Variants in MFN1 observed in about 807,000 individuals in gnomAD.
MFN1 encodes the protein mitofusin-1.
Under a neutral mutation model 92.4 loss-of-function variants are expected in MFN1, and 65 were observed. That is an observed-to-expected ratio of 0.70 (90% CI 0.58 to 0.86). The LOEUF (loss-of-function observed/expected upper bound fraction) is 0.86, where lower values mean the gene tolerates loss of function less well. Ranked by LOEUF, MFN1 falls within the 40% of genes least tolerant of loss-of-function variation. The probability of loss-of-function intolerance (pLI) is 0.00; values close to 1 mark genes in which losing one functional copy is unlikely to be tolerated. For synonymous variants in MFN1, 297 were observed against 300.9 expected, an observed-to-expected ratio of 0.99 and a Z score of 0.13; for missense variants, 781 against 868.0, an observed-to-expected ratio of 0.90 and a Z score of 1.26.
At chr3:179,377,889 CCTGT>C (rs1415947216) in intron 12 of MFN1, among the ~76,000 whole-genome samples, 2 of 151,934 alleles carry the variant, frequency 1.3e-5, no homozygotes, top group Non-Finnish European at 2.9e-5. Flanking sequence ...ATGGTGAAAC[CCTGT>C]CTACTAAAAA....
At chr3:179,366,654 T>G (rs76195300) in intron 7 of MFN1, among the ~76,000 whole-genome samples, 3,964 of 152,290 alleles carry the variant, frequency 0.026, 190 homozygotes, top group African/African-American at 0.091. Flanking sequence ...CATTAACTGT[T>G]GTCTTACAGT....
At chr3:179,357,729 T>C (rs894489013) in intron 3 of MFN1, among the ~76,000 whole-genome samples, 53 of 152,202 alleles carry the variant, frequency 3.5e-4, no homozygotes, top group African/African-American at 1.2e-3. Flanking sequence ...TATGACTGCA[T>C]AACAGATTAC....
At chr3:179,360,740 GTTC>G (rs71905209) in intron 4 of MFN1, among the ~76,000 whole-genome samples, 7,860 of 152,102 alleles carry the variant, frequency 0.052, 634 homozygotes, top group African/African-American at 0.18. Flanking sequence ...GTCATGGGTG[GTTC>G]TTCTTTGTGA....
intron 3 of MFN1, among the ~76,000 whole-genome samples, chr3:179,355,916 C>T (rs1415081218): frequency 1.3e-5 from 2 of 151,488 alleles, no homozygotes; most frequent in South Asian, 2.1e-4. Context: ...CGCACCACTG[C>T]ACTCCAGCCT....
intron 14 of MFN1, among the ~76,000 whole-genome samples, chr3:179,380,808 G>A (rs191398921): frequency 6.6e-6 from 1 of 152,184 alleles, no homozygotes; most frequent in African/African-American, 2.4e-5. Flanking sequence ...AAGGAGTTTA[G>A]GATGAAGGAT....
chr3:179,354,555 G>A lies in MFN1; in HGVS notation c.248+2520G>A, dbSNP rs75954447. 0.019 allele frequency among the ~76,000 whole-genome samples: 2,828 copies of A among 152,194 alleles called. 263 individuals are homozygous for A. The East Asian group carries it at 0.29, about 16-fold the overall frequency. ...GGCCCCACTCCTAACCCCAAGAGAG[G>A]GTTCTTGGACCTTGCGCAAGAAGGA... On this transcript the variant is annotated intron_variant, in intron 3 of 17. Coordinates refer to ENST00000471841, the MANE Select transcript of MFN1 (RefSeq NM_033540.3).
At chr3:179,391,563 G>T (rs1713902718) in intron 17 of MFN1, among the ~76,000 whole-genome samples, 1 of 152,088 alleles carries the variant, frequency 6.6e-6, no homozygotes, top group Non-Finnish European at 1.5e-5. Flanking sequence ...GTCCATAATG[G>T]AGAGAGAGAG....
rs1409190094 is a variant in MFN1 at position 179,385,691 on chromosome 3, T to A, written c.1785T>A (p.Thr595=). Residue 595 remains threonine (T), a synonymous_variant, in exon 15 of 18, where the codon ACT becomes ACA. Coordinates refer to ENST00000471841, the MANE Select transcript of MFN1 (RefSeq NM_033540.3). ...GATTGGCGTCCGTTACATCTAGAAC[T>A]TCTATGGGCATCATTATTGTTGGAG... The part of the protein sequence containing the change: ...VTGLASVTSR[T]SMGIIIVGGV... The A allele has an allele frequency of 6.2e-7, 1 of 1,613,314 alleles. No individual in the cohort carries two copies. Among genetic ancestry groups the A allele is most frequent in the Non-Finnish European group, 8.5e-7 (1 of 1,179,816 alleles).
At chr3:179,363,631 A>G (rs1027615871) in intron 5 of MFN1, among the ~76,000 whole-genome samples, 2 of 151,894 alleles carry the variant, frequency 1.3e-5, no homozygotes, top group African/African-American at 4.8e-5. Context: ...AGCTGGGGCT[A>G]CAGGGGCATG....
rs985655345 is a variant in MFN1, at chr3:179,349,829, C to T, written c.112+866C>T. On this transcript the variant is annotated intron_variant, in intron 2 of 17. Coordinates refer to ENST00000471841, the MANE Select transcript of MFN1 (RefSeq NM_033540.3). ...GCCAGGAATCCTTCTTTGGAGATAA[C>T]TGTTGAAATTTTTTCTGGTTCTTAA... Among the ~76,000 whole-genome samples the T allele has an allele frequency of 2.0e-4, 30 of 150,778 alleles. 1 individual carries two copies. Among genetic ancestry groups the T allele is most frequent in the African/African-American group, 5.8e-4 (24 of 41,110 alleles).
At chr3:179,351,488 A>C (rs1712145631) in intron 2 of MFN1, among the ~76,000 whole-genome samples, 1 of 152,166 alleles carries the variant, frequency 6.6e-6, no homozygotes, top group African/African-American at 2.4e-5. Flanking sequence ...ACTGTATCTT[A>C]ATTTCTGAGG....
intron 9 of MFN1, among the ~76,000 whole-genome samples, chr3:179,371,596 A>G (rs1713025290): frequency 6.6e-6 from 1 of 152,222 alleles, no homozygotes. Flanking sequence ...GAAAGTTTCA[A>G]AATGCATTTG....
At chr3:179,382,391 G>C (rs1364937893) in intron 14 of MFN1, among the ~76,000 whole-genome samples, 2 of 152,162 alleles carry the variant, frequency 1.3e-5, no homozygotes, top group African/African-American at 4.8e-5. Flanking sequence ...TCCCTACAAA[G>C]GACATGAACT....
intron 16 of MFN1, among the ~76,000 whole-genome samples, chr3:179,389,408 G>A (rs1443255190): frequency 1.3e-5 from 2 of 152,086 alleles, no homozygotes; most frequent in East Asian, 3.8e-4. Context: ...AGAAGACTTT[G>A]CACATTAATG....
Position 179,393,053 on chromosome 3 carries a change from ACTTT to A in MFN1, c.*998_*1001del, listed in dbSNP as rs1560204016. 2 of 152,130 alleles carry A rather than the reference ACTTT, an allele frequency of 1.3e-5. No homozygotes were observed. The highest frequency in any genetic ancestry group is 2.9e-5 in the Non-Finnish European group (2 of 68,026). The allele number at this position is 152,130 out of a possible 1,614,324, so 9.4% of individuals were successfully genotyped here. On this transcript the variant is annotated 3_prime_UTR_variant, in exon 18 of 18. Coordinates refer to ENST00000471841, the MANE Select transcript of MFN1 (RefSeq NM_033540.3). ...ATTATGCCTAGTGGAGGTTCTGTTG[ACTTT>A]CTTCCCCACTGTGGAAGAGGCCAGT...
chr3:179,348,665 A>AAGG, intron 1 of MFN1, 180 bp from the exon 2 acceptor site: 1 of 841,842 alleles, frequency 1.2e-6, no homozygotes. Context: ...TTAGTGAAAT[A>AAGG]TCATTCAAAA....
At chr3:179,356,764 A>G (rs759024751) in intron 3 of MFN1, among the ~76,000 whole-genome samples, 2 of 152,184 alleles carry the variant, frequency 1.3e-5, no homozygotes, top group Non-Finnish European at 2.9e-5. Context: ...AGGAATCTGC[A>G]TCATTAATGG....
intron 7 of MFN1, among the ~76,000 whole-genome samples, chr3:179,366,350 C>T (rs1577007110): frequency 6.6e-6 from 1 of 151,734 alleles, no homozygotes; most frequent in Admixed American, 6.6e-5. Flanking sequence ...ATACTCCTGC[C>T]AGCAGATTGA....
chr3:179,386,610 T>G lies in MFN1; in HGVS notation c.1993T>G (p.Cys665Gly), dbSNP rs142773799. Residue 665 changes from cysteine to glycine, a missense_variant, in exon 16 of 18, where the codon TGC becomes GGC. Coordinates refer to ENST00000471841, the MANE Select transcript of MFN1 (RefSeq NM_033540.3). ...GATTGTTAGCTCCACGAGTGCAAAC[T>G]GCAGTCACCAAGTAAAACAGTAAGT... ...RMIVSSTSAN[C>G]SHQVKQQIAT... 7.5e-5 allele frequency: 120 copies of G among 1,610,166 alleles called. 1 individual carries two copies. The South Asian group carries it at 9.9e-4, about 13-fold the overall frequency.
Sources: gnomAD v4.1 joint callset for allele counts (sites outside exome capture counted in the v4.1 genomes callset) on GRCh38, gnomAD v4.1.1 for gene constraint, MANE v1.5 for transcripts, NCBI Gene and HGNC (gene_info 2026-07-23, HGNC 2026-07-21) for gene names.